The following HTR1F variants were observed in gnomAD, a reference collection of about 807,000 sequenced individuals.
HTR1F encodes 5-hydroxytryptamine (serotonin) receptor 1F, G protein-coupled.
HTR1F carries 17 observed loss-of-function variants against 24.0 expected under a neutral mutation model. That is an observed-to-expected ratio of 0.71 (90% CI 0.48 to 1.06). The LOEUF is 1.06. Ranked by LOEUF, HTR1F falls within the 50% of genes least tolerant of loss-of-function variation. The pLI is 0.00. For missense variants in HTR1F, 391 were observed against 427.8 expected, an observed-to-expected ratio of 0.91 and a Z score of 0.76; for synonymous variants, 186 against 156.8, an observed-to-expected ratio of 1.19 and a Z score of -1.39.
Position 87,964,967 on chromosome 3 carries a change from A to G in HTR1F, c.-42-25741A>G, listed in dbSNP as rs150208860. On this transcript the variant is annotated intron_variant, in intron 2 of 2. Transcript: ENST00000319595. ...TGATGGTTTCATAAAGGGTTCCCCTACACAAGCTCTCTTGCCTGCTCCCAT... is the reference window on the plus strand; with the variant it reads ...TGATGGTTTCATAAAGGGTTCCCCTGCACAAGCTCTCTTGCCTGCTCCCAT... Among the ~76,000 whole-genome samples the G allele has an allele frequency of 1.6e-3, 238 of 152,282 alleles. 2 individuals are homozygous for G. Among genetic ancestry groups the G allele is most frequent in the Middle Eastern group, 6.8e-3 (2 of 294 alleles).
intron 2 of HTR1F, among the ~76,000 whole-genome samples, chr3:87,844,230 T>C (rs1187972824): frequency 6.6e-6 from 1 of 151,884 alleles, no homozygotes; most frequent in African/African-American, 2.4e-5. Flanking sequence ...CTAACTGGTG[T>C]GAGATGATAT....
chr3:87,849,104 C>A (rs1230280755), intron 2 of HTR1F, among the ~76,000 whole-genome samples: 1 of 151,428 alleles, frequency 6.6e-6, no homozygotes, highest in African/African-American at 2.4e-5. Flanking sequence ...TTGGAAAAAA[C>A]TACTTTAAAG....
intron 2 of HTR1F, among the ~76,000 whole-genome samples, chr3:87,987,868 A>T (rs1479865737): frequency 6.8e-6 from 1 of 146,938 alleles, no homozygotes; most frequent in Non-Finnish European, 1.5e-5. Context: ...TTTTATATAT[A>T]TATGCCAGTG....
chr3:87,920,029 T>TTATATATATATATATATATATATATA (rs74326472), intron 2 of HTR1F, among the ~76,000 whole-genome samples: 91 of 141,970 alleles, frequency 6.4e-4, no homozygotes, highest in African/African-American at 1.4e-3. Context: ...ATATGTAATA[T>TTATATATATATATATATATATATATA]TATATATATA....
At chr3:87,911,440 C>A (rs749950137) in intron 2 of HTR1F, among the ~76,000 whole-genome samples, 4 of 152,038 alleles carry the variant, frequency 2.6e-5, no homozygotes, top group African/African-American at 9.7e-5. Flanking sequence ...CCTGAATAGA[C>A]AATTAACAGG....
At chr3:87,868,420 A>G (rs145595912) in intron 2 of HTR1F, among the ~76,000 whole-genome samples, 5 of 152,128 alleles carry the variant, frequency 3.3e-5, no homozygotes, top group African/African-American at 1.2e-4. Flanking sequence ...TAGAGAAAGA[A>G]ATGGTTAAGA....
At chr3:87,796,506 T>C (rs1452747864) in intron 1 of HTR1F, among the ~76,000 whole-genome samples, 1 of 152,020 alleles carries the variant, frequency 6.6e-6, no homozygotes, top group Non-Finnish European at 1.5e-5. Flanking sequence ...CAGGGGAGAA[T>C]GTATTTAAAG....
At chr3:87,800,068 A>C (rs1703968319) in intron 1 of HTR1F, among the ~76,000 whole-genome samples, 1 of 152,170 alleles carries the variant, frequency 6.6e-6, no homozygotes, top group South Asian at 2.1e-4. Context: ...TGCTTAGTCT[A>C]GACTCTTTCA....
In HTR1F at chr3:87,833,369, T is replaced by A. The variant is rs183230925; in HGVS notation, c.-43+11245T>A. Among the ~76,000 whole-genome samples, 700 of 152,300 alleles carry A rather than the reference T, an allele frequency of 4.6e-3. 19 individuals are homozygous for A. Among genetic ancestry groups the A allele is most frequent in the Admixed American group, 0.043 (660 of 15,296 alleles). ...TTGAGCTTGCTATATCAAAATAACT[T>A]AATCTACTTGTTTAAAAAAATGCAG... On this transcript the variant is annotated intron_variant, in intron 2 of 2. Coordinates refer to ENST00000319595, the MANE Select transcript of HTR1F (RefSeq NM_001322209.2).
intron 2 of HTR1F, among the ~76,000 whole-genome samples, chr3:87,935,399 C>T (rs1704387630): frequency 2.6e-5 from 4 of 152,102 alleles, no homozygotes; most frequent in South Asian, 4.1e-4. Flanking sequence ...CAAAGGAGAG[C>T]AGGCAACTTT....
intron 2 of HTR1F, among the ~76,000 whole-genome samples, chr3:87,843,684 C>CCT (rs55727089): frequency 4.9e-4 from 66 of 135,556 alleles, no homozygotes; most frequent in African/African-American, 1.7e-3. Context: ...CCCCCTCCCC[C>CCT]ACCCCACAAC....
rs55997220 is a variant in HTR1F, at chr3:87,992,064, A to G, written c.*214A>G. The stretch of plus-strand genomic sequence containing the variant: ...TTCAAAATTAGAAAATAATTTATGT[A>G]GGTTATAAACAATATTTTGCCTATG... On this transcript the variant is annotated 3_prime_UTR_variant, in exon 3 of 3. Coordinates refer to ENST00000319595, the MANE Select transcript of HTR1F (RefSeq NM_001322209.2). 546 of 347,658 alleles carry G rather than the reference A, an allele frequency of 1.6e-3. 2 individuals carry two copies. The highest frequency in any genetic ancestry group is 0.011 in the African/African-American group (509 of 46,852). The allele number at this position is 347,658 out of a possible 1,614,324, so 21.5% of individuals were successfully genotyped here.
intron 2 of HTR1F, among the ~76,000 whole-genome samples, chr3:87,899,018 C>T (rs1419844003): frequency 6.6e-6 from 1 of 152,134 alleles, no homozygotes; most frequent in African/African-American, 2.4e-5. Context: ...GAGCAAAACA[C>T]AGAATATATT....
At chr3:87,861,303 T>C (rs1252670971) in intron 2 of HTR1F, among the ~76,000 whole-genome samples, 3 of 152,226 alleles carry the variant, frequency 2.0e-5, no homozygotes, top group Non-Finnish European at 2.9e-5. Context: ...AAGAACATTT[T>C]GTTCACTCTT....
intron 2 of HTR1F, among the ~76,000 whole-genome samples, chr3:87,932,222 T>A (rs1006231014): frequency 6.6e-6 from 1 of 152,164 alleles, no homozygotes; most frequent in Non-Finnish European, 1.5e-5. Context: ...AATTTTTGTA[T>A]AAGGTGTAAG....
intron 2 of HTR1F, among the ~76,000 whole-genome samples, chr3:87,979,556 C>T (rs1449709302): frequency 2.0e-5 from 3 of 152,200 alleles, no homozygotes; most frequent in Non-Finnish European, 2.9e-5. Context: ...CCTGGATGAG[C>T]CCCTAAAAAT....
intron 2 of HTR1F, among the ~76,000 whole-genome samples, chr3:87,905,400 T>C (rs1374937747): frequency 6.6e-6 from 1 of 152,062 alleles, no homozygotes; most frequent in Non-Finnish European, 1.5e-5. Flanking sequence ...CCAAATTCTC[T>C]ACTCAAAACC....
At chr3:87,792,997 A>G (rs1017668828) in intron 1 of HTR1F, among the ~76,000 whole-genome samples, 155 bp downstream of exon 1, 1 of 152,226 alleles carries the variant, frequency 6.6e-6, no homozygotes, top group Non-Finnish European at 1.5e-5. Context: ...GTCCTTTCCC[A>G]CACTACTTTG....
chr3:87,933,749 G>T (rs571527275), intron 2 of HTR1F, among the ~76,000 whole-genome samples: 4 of 152,272 alleles, frequency 2.6e-5, no homozygotes, highest in South Asian at 2.1e-4. Flanking sequence ...TGGGTAGGAA[G>T]AATCAATATT....
Sources: gnomAD v4.1 joint callset for allele counts (sites outside exome capture counted in the v4.1 genomes callset) on GRCh38, gnomAD v4.1.1 for gene constraint, MANE v1.5 for transcripts, NCBI Gene and HGNC (gene_info 2026-07-23, HGNC 2026-07-21) for gene names.